Variants in FAM227B observed in about 807,000 individuals in gnomAD.
The protein encoded by FAM227B is family with sequence similarity 227 member B.
In FAM227B, 88 loss-of-function variants were observed where a neutral mutation model predicts 73.8. The ratio of observed to expected loss-of-function variants is 1.19; its 90% confidence interval spans 1.00 to 1.42. The LOEUF (loss-of-function observed/expected upper bound fraction) is 1.42. FAM227B is among the 40% of genes most tolerant of loss of function. FAM227B has a pLI of 0.00. For missense variants in FAM227B, 632 were observed against 590.9 expected (o/e 1.07, Z -0.72); for synonymous variants, 210 against 190.5 (o/e 1.10, Z -0.84).
chr15:49,453,053 A>G (rs1327429647), intron 11 of FAM227B, among the ~76,000 whole-genome samples: 1 of 152,050 alleles, frequency 6.6e-6, no homozygotes, highest in African/African-American at 2.4e-5. Flanking sequence ...TTCTCTTACC[A>G]CTGTGGAAAT....
chr15:49,336,953 G>A (rs559120939), intron 13 of FAM227B, among the ~76,000 whole-genome samples: 1 of 152,226 alleles, frequency 6.6e-6, no homozygotes, highest in African/African-American at 2.4e-5. Flanking sequence ...TAGAACATGT[G>A]GTATTTGGTG....
At position 49,328,174 on chromosome 15, in the gene FAM227B, T is replaced by C. The variant is rs1341178270; in HGVS notation, c.*394A>G. On this transcript the variant is annotated 3_prime_UTR_variant, in exon 16 of 16. Transcript: ENST00000299338. ...TTGAGGCCTGAAAAAATGTAAAAAGTCTGAGAGAAACTACTTAGGGCACTT... is the reference window on the plus strand; with the variant it reads ...TTGAGGCCTGAAAAAATGTAAAAAGCCTGAGAGAAACTACTTAGGGCACTT... The C allele has an allele frequency of 4.4e-6, 7 of 1,607,280 alleles. No homozygotes were observed. The highest frequency in any genetic ancestry group is 6.0e-6 in the Non-Finnish European group (7 of 1,176,446).
At chr15:49,616,068 G>A (rs2078269414) in intron 1 of FAM227B, among the ~76,000 whole-genome samples, 2 of 152,084 alleles carry the variant, frequency 1.3e-5, no homozygotes, top group African/African-American at 4.8e-5. Flanking sequence ...TATGTTCCCT[G>A]AACCTGAACC....
chr15:49,449,859 G>T (rs954546991), intron 11 of FAM227B, among the ~76,000 whole-genome samples: 1 of 151,952 alleles, frequency 6.6e-6, no homozygotes, highest in Admixed American at 6.6e-5. Context: ...CTTAACTTTA[G>T]AGATACTGTC....
chr15:49,331,786 A>G lies in FAM227B; in HGVS notation c.1413T>C (p.His471=). 6.3e-7 allele frequency: 1 copy of G among 1,593,576 alleles called. No homozygotes were observed. Among genetic ancestry groups the G allele is most frequent in the Non-Finnish European group, 8.6e-7 (1 of 1,161,368 alleles). Residue 471 remains histidine, a synonymous_variant, in exon 15 of 16, where the codon CAT becomes CAC. Transcript: ENST00000299338. ...EVKQDFEKFL[H]KLRSEAEIER... Reference sequence around the variant, plus strand: ...TTTCAGAAAGAAAACCTACCAGTTTATGTAGGAACTTCTCAAAGTCCTGTT... The same window carrying G: ...TTTCAGAAAGAAAACCTACCAGTTTGTGTAGGAACTTCTCAAAGTCCTGTT...
At chr15:49,337,773 G>A (rs1021029101) in intron 13 of FAM227B, among the ~76,000 whole-genome samples, 1 of 151,512 alleles carries the variant, frequency 6.6e-6, no homozygotes, top group Non-Finnish European at 1.5e-5. Context: ...TGCAATGTTT[G>A]GTTTTCTGTT....
At chr15:49,374,502 T>C (rs889823013) in intron 11 of FAM227B, among the ~76,000 whole-genome samples, 2 of 152,196 alleles carry the variant, frequency 1.3e-5, no homozygotes, top group Admixed American at 6.5e-5. Context: ...AAAATGTGAA[T>C]GCAATTTTGT....
rs528885913 is a variant in FAM227B, at chr15:49,426,930, T to G, written c.1013-55531A>C. Among the ~76,000 whole-genome samples, 11 of 152,058 alleles carry G rather than the reference T, an allele frequency of 7.2e-5. No homozygotes were observed. In the South Asian group the frequency reaches 1.0e-3, roughly 14 times the overall value. On this transcript the variant is annotated intron_variant, in intron 11 of 15. Transcript: ENST00000299338. ...ATCCTTTAAGTAAACCCTAAAACTGTCGTAAGGTTATGTGGCTATCTTATT... is the reference window on the plus strand; with the variant it reads ...ATCCTTTAAGTAAACCCTAAAACTGGCGTAAGGTTATGTGGCTATCTTATT...
chr15:49,473,421 A>C (rs2054964172), intron 11 of FAM227B, among the ~76,000 whole-genome samples: 1 of 152,118 alleles, frequency 6.6e-6, no homozygotes, highest in South Asian at 2.1e-4. Flanking sequence ...TTATTTTTTA[A>C]ATTGATGTAT....
intron 3 of FAM227B, among the ~76,000 whole-genome samples, chr15:49,607,003 G>A (rs1238757560): frequency 6.6e-6 from 1 of 152,158 alleles, no homozygotes; most frequent in African/African-American, 2.4e-5. Context: ...ACTTGTGTAG[G>A]ATGAAACTCT....
chr15:49,500,516 G>C (rs568728107), intron 11 of FAM227B, among the ~76,000 whole-genome samples: 59 of 152,342 alleles, frequency 3.9e-4, no homozygotes, highest in African/African-American at 1.4e-3. Flanking sequence ...AGCTCATCAT[G>C]ATTGATCATC....
intron 13 of FAM227B, among the ~76,000 whole-genome samples, chr15:49,347,605 G>C (rs1219954116): frequency 6.6e-6 from 1 of 152,142 alleles, no homozygotes; most frequent in African/African-American, 2.4e-5. Flanking sequence ...TCTAGGTGCA[G>C]TTGAGTTATA....
At chr15:49,522,612 A>ATT (rs2059867348) in intron 10 of FAM227B, among the ~76,000 whole-genome samples, 1 of 152,160 alleles carries the variant, frequency 6.6e-6, no homozygotes, top group Admixed American at 6.5e-5. Flanking sequence ...CTAAAAATAA[A>ATT]AAACTCTCTG....
At chr15:49,422,840 C>A in intron 11 of FAM227B, 1 of 703,862 alleles carries the variant, frequency 1.4e-6, no homozygotes, top group East Asian at 2.8e-5. Flanking sequence ...TAACACATAC[C>A]AGTTTTGTTC....
At chr15:49,577,932 TACA>T in intron 5 of FAM227B, among the ~76,000 whole-genome samples, 1 of 152,222 alleles carries the variant, frequency 6.6e-6, no homozygotes, top group South Asian at 2.1e-4. Flanking sequence ...AACTACTTAT[TACA>T]GTTTGGTTCC....
chr15:49,532,659 GTAAT>G (rs750223827), intron 10 of FAM227B, among the ~76,000 whole-genome samples: 4 of 144,528 alleles, frequency 2.8e-5, no homozygotes, highest in African/African-American at 4.9e-5. Flanking sequence ...AATTATAATC[GTAAT>G]TAATATTCAA....
intron 9 of FAM227B, among the ~76,000 whole-genome samples, chr15:49,544,155 T>C (rs1356617830): frequency 2.0e-5 from 3 of 152,198 alleles, no homozygotes; most frequent in Non-Finnish European, 4.4e-5. Context: ...GTTTGTCTCA[T>C]CTGTGATTTG....
chr15:49,346,175 T>G (rs951625973), intron 13 of FAM227B, among the ~76,000 whole-genome samples: 1 of 152,186 alleles, frequency 6.6e-6, no homozygotes, highest in South Asian at 2.1e-4. Context: ...CCGTTGTTTT[T>G]CAGAAACTTG....
At chr15:49,333,296 T>C (rs149145431) in intron 14 of FAM227B, among the ~76,000 whole-genome samples, 31 of 152,318 alleles carry the variant, frequency 2.0e-4, no homozygotes, top group Non-Finnish European at 2.1e-4. Context: ...AGTATCTCTT[T>C]TGAAGATTAC....
Sources: gnomAD v4.1 joint callset for allele counts (sites outside exome capture counted in the v4.1 genomes callset) on GRCh38, gnomAD v4.1.1 for gene constraint, MANE v1.5 for transcripts, NCBI Gene and HGNC (gene_info 2026-07-23, HGNC 2026-07-21) for gene names.